The following PRKAG3 variants were observed in gnomAD, a reference collection of about 807,000 sequenced individuals.
The protein encoded by PRKAG3 is protein kinase AMP-activated non-catalytic subunit gamma 3, also known as 5'-AMP-activated protein kinase subunit gamma-3.
PRKAG3 carries 39 observed loss-of-function variants against 56.5 expected under a neutral mutation model. That is an observed-to-expected ratio of 0.69 (90% confidence interval 0.53 to 0.90). The LOEUF (loss-of-function observed/expected upper bound fraction) is 0.90. Ranked by LOEUF, PRKAG3 falls within the 40% of genes least tolerant of loss-of-function variation. The pLI, the probability that PRKAG3 is intolerant of heterozygous loss-of-function variation, is 0.00. For missense variants in PRKAG3, 628 were observed against 627.5 expected (o/e 1.00, Z -0.01); for synonymous variants, 243 against 250.1 (o/e 0.97, Z 0.27).
chr2:218,830,326 C>A, exon 4 of PRKAG3: 1 of 1,610,942 alleles, frequency 6.2e-7, no homozygotes, highest in Non-Finnish European at 8.5e-7. Context: ...AGGGTGTGGT[C>A]TTGGGGAATG....
At chr2:218,823,541 C>T in exon 13 of PRKAG3, 2 of 867,916 alleles carry the variant, frequency 2.3e-6, no homozygotes, top group Non-Finnish European at 3.4e-6. Flanking sequence ...CACAGGGCTG[C>T]TCAGCTTTGA....
At chr2:218,829,187 T>C (rs969797704) in intron 4 of PRKAG3, among the ~76,000 whole-genome samples, 4 of 152,200 alleles carry the variant, frequency 2.6e-5, no homozygotes, top group African/African-American at 9.7e-5. Flanking sequence ...TGGGAAACAC[T>C]GCACTGCATA....
Position 218,828,606 on chromosome 2 carries a change from G to A in PRKAG3, c.634-6C>T, listed in dbSNP as rs376723919. 137 of 1,611,962 alleles carry A rather than the reference G, an allele frequency of 8.5e-5. No homozygotes were observed. Among genetic ancestry groups the A allele is most frequent in the Middle Eastern group, 3.3e-4 (2 of 6,076 alleles). On this transcript the variant is annotated splice_polypyrimidine_tract_variant and splice_region_variant and intron_variant, in intron 4 of 12. Transcript: ENST00000529249. Reference sequence around the variant, plus strand: ...GCAAAGAAGGCCTTCTTGATCTGAGGGGCCAGGGAGAACAGTCAAGGGTGG... The same window carrying A: ...GCAAAGAAGGCCTTCTTGATCTGAGAGGCCAGGGAGAACAGTCAAGGGTGG...
At chr2:218,828,658 C>G in intron 4 of PRKAG3, 58 bp from the exon 5 acceptor site, 3 of 1,480,774 alleles carry the variant, frequency 2.0e-6, no homozygotes, top group Non-Finnish European at 2.8e-6. Flanking sequence ...ACCCCCCTCT[C>G]TGCCCCTCAG....
At chr2:218,826,902 G>C in intron 10 of PRKAG3, 26 bp downstream of exon 10, 1 of 1,613,576 alleles carries the variant, frequency 6.2e-7, no homozygotes, top group Non-Finnish European at 8.5e-7. Context: ...AGCCCAGCCC[G>C]AGCCTCTCAT....
At chr2:218,831,164 G>A (rs1387313112) in intron 2 of PRKAG3, among the ~76,000 whole-genome samples, 172 bp downstream of exon 2, 1 of 152,162 alleles carries the variant, frequency 6.6e-6, no homozygotes, top group Non-Finnish European at 1.5e-5. Context: ...CTGAAAAGAG[G>A]AAATTGGAGG....
At chr2:218,824,440 C>G in intron 11 of PRKAG3, 72 bp from the exon 12 acceptor site, 1 of 1,612,226 alleles carries the variant, frequency 6.2e-7, no homozygotes, top group Non-Finnish European at 8.5e-7. Flanking sequence ...ATGTCAACCC[C>G]TGCATACTTG....
At chr2:218,828,404 C>T (rs1943969198) in intron 5 of PRKAG3, 115 bp downstream of exon 5, 2 of 1,168,610 alleles carry the variant, frequency 1.7e-6, no homozygotes, top group South Asian at 1.6e-5. Context: ...TGGCCCCTGG[C>T]TGGGCTTGGC....
intron 4 of PRKAG3, among the ~76,000 whole-genome samples, 199 bp from the exon 5 acceptor site, chr2:218,828,799 C>A (rs1943975626): frequency 6.6e-6 from 1 of 152,122 alleles, no homozygotes; most frequent in African/African-American, 2.4e-5. Flanking sequence ...TAGACATGAT[C>A]GTTGCTGGGG....
In PRKAG3 at chr2:218,831,723, C is replaced by T; in HGVS notation, c.33+15G>A. On this transcript the variant is annotated intron_variant, in intron 1 of 12. Coordinates refer to ENST00000529249, the Ensembl canonical transcript of PRKAG3. ...CTCAGCTGCCCCGGCTCCGGCTCCC[C>T]TGGGACCCCCATACCCTGCGCAGTG... is the stretch of plus-strand genomic sequence containing the variant. 1 of 1,609,786 alleles carries T rather than the reference C, an allele frequency of 6.2e-7. No individual in the cohort carries two copies. The highest frequency in any genetic ancestry group is 8.5e-7 in the Non-Finnish European group (1 of 1,178,576).
In PRKAG3 at chr2:218,827,824, C is replaced by T; in HGVS notation, c.820+9G>A. 1 of 1,613,890 alleles carries T rather than the reference C, an allele frequency of 6.2e-7. No homozygotes were observed. ...CAACAGCCCTTTCCGGGTTCCTCTC[C>T]CCACTCACCCCTCCAGGTCTCAATC... On this transcript the variant is annotated intron_variant, in intron 7 of 12. Transcript: ENST00000529249. The surrounding 1 kb of genome is among the most constrained non-coding windows in gnomAD (Gnocchi z 5.3).
At chr2:218,824,474 G>A (rs1575210289) in intron 11 of PRKAG3, 65 bp downstream of exon 11, 4 of 1,606,102 alleles carry the variant, frequency 2.5e-6, no homozygotes, top group African/African-American at 2.7e-5. Context: ...GGTCCACAGA[G>A]GCCCCCCACC....
chr2:218,831,396 GA>G, intron 1 of PRKAG3, 21 bp from the exon 2 acceptor site: 1 of 1,590,908 alleles, frequency 6.3e-7, no homozygotes. Context: ...AAGAGTTTCT[GA>G]AGGAGTGGGG....
In PRKAG3 at chr2:218,827,940, C is replaced by T. The variant is rs775861703; in HGVS notation, c.775-62G>A. ...CGTGGGCTTCTAGGGCACCAGGCTC[C>T]AGGAGGACTCCCCTCCGCCCCCGCC... On this transcript the variant is annotated intron_variant, in intron 6 of 12. Transcript: ENST00000529249. This position sits in a 1 kb window ranked among gnomAD's most constrained non-coding sequence, Gnocchi z 5.3. The T allele has an allele frequency of 2.5e-6, 4 of 1,609,174 alleles. No homozygotes were observed. In the African/African-American group the frequency reaches 4.0e-5, roughly 16 times the overall value.
rs546205236 is a variant in PRKAG3, at chr2:218,830,405, G to A, written c.230-24C>T. 2.0e-5 allele frequency: 32 copies of A among 1,598,670 alleles called. 1 individual carries two copies. In the South Asian group the frequency reaches 3.2e-4, roughly 16 times the overall value. On this transcript the variant is annotated intron_variant, in intron 3 of 12. Coordinates refer to ENST00000529249, the Ensembl canonical transcript of PRKAG3. ...ACCTGTTTGGGGGAGGAGGGGAAGA[G>A]GACAGTAACTCCATCTTCCAAAGCA...
In PRKAG3 at chr2:218,827,477, G is replaced by T; in HGVS notation, c.875+98C>A. ...AGGGCACCAAGGCTCCCTTGTCTGT[G>T]TGCCGCCTAGGATGAAGAGGTGAGT... On this transcript the variant is annotated intron_variant, in intron 8 of 12. Transcript: ENST00000529249. This position sits in a 1 kb window ranked among gnomAD's most constrained non-coding sequence, Gnocchi z 5.3. The T allele has an allele frequency of 6.2e-7, 1 of 1,601,232 alleles. No homozygotes were observed. Among genetic ancestry groups the T allele is most frequent in the Non-Finnish European group, 8.6e-7 (1 of 1,168,736 alleles).
intron 11 of PRKAG3, 45 bp downstream of exon 11, chr2:218,824,494 A>C: frequency 6.2e-7 from 1 of 1,601,942 alleles, no homozygotes; most frequent in Non-Finnish European, 8.6e-7. Context: ...CCATCCCCAC[A>C]CCCTTAGCCT....
At chr2:218,829,835 G>A in intron 4 of PRKAG3, 143 bp downstream of exon 4, 1 of 918,430 alleles carries the variant, frequency 1.1e-6, no homozygotes, top group Middle Eastern at 3.2e-4. Context: ...CCCCCAACTG[G>A]CCTCCATAGT....
intron 10 of PRKAG3, among the ~76,000 whole-genome samples, chr2:218,826,194 G>A (rs1373314050): frequency 6.6e-6 from 1 of 152,142 alleles, no homozygotes; most frequent in African/African-American, 2.4e-5. Context: ...AGTTAATCTA[G>A]GCAATGGATA....
Sources: gnomAD v4.1 joint callset for allele counts (sites outside exome capture counted in the v4.1 genomes callset) on GRCh38, gnomAD v4.1.1 for gene constraint, Gnocchi (gnomAD v3.1) non-coding constraint, MANE v1.5 for transcripts, NCBI Gene and HGNC (gene_info 2026-07-23, HGNC 2026-07-21) for gene names.